COPG2: variants seen among roughly 807,000 people sequenced by gnomAD.
COPG2 encodes coat protein complex I subunit gamma 2, also known as coatomer subunit gamma-2.
A neutral mutation model predicts 46.3 loss-of-function variants in COPG2; 37 were observed. That is an observed-to-expected ratio of 0.80 (90% CI 0.61 to 1.05). COPG2 has a LOEUF of 1.05. Ranked by LOEUF, COPG2 falls within the 50% of genes least tolerant of loss-of-function variation. The pLI is 0.00. For missense variants in COPG2, 427 were observed against 387.8 expected (o/e 1.10, Z -0.85); for synonymous variants, 159 against 129.7 (o/e 1.23, Z -1.53).
intron 5 of COPG2, among the ~76,000 whole-genome samples, chr7:130,641,682 T>G (rs1046861254): frequency 6.6e-6 from 1 of 152,238 alleles, no homozygotes; most frequent in Non-Finnish European, 1.5e-5. Context: ...TCTCATTTTC[T>G]TGTTCTAAAC....
intron 9 of COPG2, among the ~76,000 whole-genome samples, chr7:130,609,091 G>A (rs566451315): frequency 2.6e-5 from 4 of 152,064 alleles, no homozygotes; most frequent in Non-Finnish European, 5.9e-5. Flanking sequence ...ATGTTGCCCA[G>A]GCTTGTCTTG....
At chr7:130,525,665 T>C (rs1799766514) in intron 20 of COPG2, among the ~76,000 whole-genome samples, 1 of 152,128 alleles carries the variant, frequency 6.6e-6, no homozygotes, top group Admixed American at 6.5e-5. Context: ...AGTATGTACA[T>C]AGAGATGAAA....
intron 7 of COPG2, among the ~76,000 whole-genome samples, chr7:130,612,934 T>A (rs559109806): frequency 6.6e-6 from 1 of 152,270 alleles, no homozygotes; most frequent in East Asian, 1.9e-4. Flanking sequence ...GGTCCTAGGT[T>A]TCTTTCCTGT....
At chr7:130,546,972 G>A (rs1793453814) in intron 20 of COPG2, 1 of 152,150 alleles carries the variant, frequency 6.6e-6, no homozygotes, top group Admixed American at 6.5e-5. Flanking sequence ...CATGAGAAGA[G>A]AAGAAATCAA....
At chr7:130,635,975 CA>C (rs1795329264) in intron 5 of COPG2, among the ~76,000 whole-genome samples, 1 of 152,158 alleles carries the variant, frequency 6.6e-6, no homozygotes, top group South Asian at 2.1e-4. Flanking sequence ...AGTAGTCATT[CA>C]GGGGCAGGTT....
intron 1 of COPG2, 49 bp downstream of exon 1, chr7:130,668,583 G>C: frequency 6.8e-7 from 1 of 1,477,840 alleles, no homozygotes; most frequent in Non-Finnish European, 9.0e-7. Context: ...GCGGGCGGGG[G>C]AAGGGGCGTC....
At chr7:130,637,664 A>T (rs1795370612) in intron 5 of COPG2, among the ~76,000 whole-genome samples, 2 of 152,170 alleles carry the variant, frequency 1.3e-5, no homozygotes, top group Non-Finnish European at 2.9e-5. Context: ...ACATTGGGTT[A>T]GAACATGCTC....
intron 3 of COPG2, among the ~76,000 whole-genome samples, chr7:130,663,357 T>C (rs1796014845): frequency 6.6e-6 from 1 of 152,196 alleles, no homozygotes; most frequent in South Asian, 2.1e-4. Flanking sequence ...GGGAGAAAAT[T>C]ACAGCACTCA....
At chr7:130,545,203 T>TTCATC (rs1386903188) in intron 20 of COPG2, among the ~76,000 whole-genome samples, 2 of 133,266 alleles carry the variant, frequency 1.5e-5, no homozygotes, top group Non-Finnish European at 3.4e-5. Context: ...TTCATTTCAT[T>TTCATC]TCATCCTATA....
At chr7:130,533,146 T>C (rs1285497564) in intron 20 of COPG2, among the ~76,000 whole-genome samples, 11 of 152,062 alleles carry the variant, frequency 7.2e-5, no homozygotes, top group African/African-American at 2.7e-4. Flanking sequence ...GTGAGCTTGT[T>C]GAGAGGATCA....
At chr7:130,526,377 A>T (rs899799216) in intron 20 of COPG2, among the ~76,000 whole-genome samples, 22 of 152,252 alleles carry the variant, frequency 1.4e-4, no homozygotes, top group African/African-American at 5.3e-4. Context: ...GGTGGTTGAG[A>T]GAAATATGGG....
chr7:130,565,679 A>T (rs1793790796), intron 9 of COPG2, among the ~76,000 whole-genome samples: 1 of 152,224 alleles, frequency 6.6e-6, no homozygotes. Context: ...AAACTAAAAT[A>T]TTTAATTTAA....
At chr7:130,626,400 ATTTT>A (rs60484682) in intron 5 of COPG2, among the ~76,000 whole-genome samples, 27 of 119,828 alleles carry the variant, frequency 2.3e-4, no homozygotes, top group Middle Eastern at 4.3e-3. Flanking sequence ...CACCAGGCTA[ATTTT>A]TTTTTTTTTT....
At chr7:130,649,475 A>C (rs1355299109) in intron 5 of COPG2, among the ~76,000 whole-genome samples, 1 of 152,164 alleles carries the variant, frequency 6.6e-6, no homozygotes, top group East Asian at 1.9e-4. Context: ...TCTTCAGTTA[A>C]ACATCCAAGT....
In COPG2 at chr7:130,515,554, T is replaced by G. The variant is rs901065251; in HGVS notation, c.2150-6895A>C. Among the ~76,000 whole-genome samples, 31 of 152,190 alleles carry G rather than the reference T, an allele frequency of 2.0e-4. 1 individual carries two copies. The highest frequency in any genetic ancestry group is 2.6e-4 in the Admixed American group (4 of 15,284). On this transcript the variant is annotated intron_variant, in intron 20 of 23. Transcript: ENST00000425248. ...ACATCCTGGGGTAAGGCCCTGCAGC[T>G]TGTTTTAACCAGCTGCAGTTGGAGA...
chr7:130,616,940 C>T, intron 6 of COPG2, 50 bp downstream of exon 6: 1 of 1,163,866 alleles, frequency 8.6e-7, no homozygotes, highest in Non-Finnish European at 1.3e-6. Flanking sequence ...TGGCCACCTG[C>T]AGATAAACAT....
chr7:130,655,984 G>T lies in COPG2; in HGVS notation c.244-3036C>A, dbSNP rs530645545. Among the ~76,000 whole-genome samples the T allele has an allele frequency of 1.2e-3, 180 of 152,158 alleles. 1 individual carries two copies. The highest frequency in any genetic ancestry group is 2.2e-3 in the Non-Finnish European group (148 of 67,982). On this transcript the variant is annotated intron_variant, in intron 4 of 23. Transcript: ENST00000425248. ...TATCCCATTGTAAATAAAGAACACA[G>T]TCTATATGATTTCAATCCTTTGAAA...
intron 4 of COPG2, among the ~76,000 whole-genome samples, chr7:130,656,642 T>C (rs1258519019): frequency 6.6e-6 from 1 of 151,942 alleles, no homozygotes; most frequent in Non-Finnish European, 1.5e-5. Flanking sequence ...AAGAAAAAGG[T>C]CAATATATAA....
intron 20 of COPG2, among the ~76,000 whole-genome samples, chr7:130,538,406 T>C (rs1799904786): frequency 6.6e-6 from 1 of 151,862 alleles, no homozygotes; most frequent in Non-Finnish European, 1.5e-5. Flanking sequence ...CCGTACAGGG[T>C]CCGATGCAGA....
Sources: gnomAD v4.1 joint callset for allele counts (sites outside exome capture counted in the v4.1 genomes callset) on GRCh38, gnomAD v4.1.1 for gene constraint, MANE v1.5 for transcripts, NCBI Gene and HGNC (gene_info 2026-07-23, HGNC 2026-07-21) for gene names.